TRDMT1: variants seen among roughly 807,000 people sequenced by gnomAD.
TRDMT1 encodes tRNA (cytosine(38)-C(5))-methyltransferase.
A neutral mutation model predicts 51.2 loss-of-function variants in TRDMT1; 49 were observed. The observed-to-expected ratio is 0.96, with a 90% confidence interval of 0.76 to 1.21. The LOEUF is 1.21. Ranked by LOEUF, TRDMT1 falls within the 50% of genes most tolerant of loss-of-function variation. The pLI is 0.00. For missense variants in TRDMT1, 534 were observed against 462.3 expected (o/e 1.16, Z -1.42); for synonymous variants, 187 against 164.6 (o/e 1.14, Z -1.04).
At chr10:17,153,337 A>T in intron 10 of TRDMT1, 170 bp downstream of exon 10, 1 of 715,072 alleles carries the variant, frequency 1.4e-6, no homozygotes, top group Non-Finnish European at 2.3e-6. Flanking sequence ...GAACCGAATG[A>T]GGCAGTTATG....
rs537758874 is a variant in TRDMT1 at position 17,141,408 on chromosome 10, C to G, written c.*7632G>C. ...ATCTCCTGACCTTATGATCTGCCCC[C>G]CTTCGCCTCCTAAAGTGCTGGGATT... On this transcript the variant is annotated 3_prime_UTR_variant, in exon 11 of 11. Coordinates refer to ENST00000377799, the MANE Select transcript of TRDMT1 (RefSeq NM_004412.7). 3.3e-5 allele frequency among the ~76,000 whole-genome samples: 5 copies of G among 152,146 alleles called. No homozygotes were observed. Among genetic ancestry groups the G allele is most frequent in the African/African-American group, 1.2e-4 (5 of 41,416 alleles).
intron 1 of TRDMT1, among the ~76,000 whole-genome samples, chr10:17,184,129 A>G (rs1843614263): frequency 6.6e-6 from 1 of 152,238 alleles, no homozygotes; most frequent in Admixed American, 6.5e-5. Context: ...TAAACTACTT[A>G]AAAAGTCAAG....
intron 1 of TRDMT1, among the ~76,000 whole-genome samples, chr10:17,199,321 G>C (rs1436496930): frequency 2.0e-5 from 3 of 152,138 alleles, no homozygotes; most frequent in Non-Finnish European, 4.4e-5. Flanking sequence ...TTGGATCACA[G>C]GGTCAGCCAG....
intron 1 of TRDMT1, among the ~76,000 whole-genome samples, chr10:17,188,387 T>C (rs1374275977): frequency 1.3e-5 from 2 of 152,198 alleles, no homozygotes; most frequent in East Asian, 3.8e-4. Flanking sequence ...CAAAATATTT[T>C]CAGCAAGTAT....
At chr10:17,161,822 G>A (rs1427031269) in intron 4 of TRDMT1, among the ~76,000 whole-genome samples, 1 of 152,152 alleles carries the variant, frequency 6.6e-6, no homozygotes, top group African/African-American at 2.4e-5. Context: ...TGAAAGGGCG[G>A]CTACTCACAT....
At chr10:17,182,525 T>C (rs1435449687) in intron 1 of TRDMT1, among the ~76,000 whole-genome samples, 1 of 152,228 alleles carries the variant, frequency 6.6e-6, no homozygotes, top group African/African-American at 2.4e-5. Flanking sequence ...AAAAGTCCTG[T>C]AAATAAGTAA....
rs768739458 is a variant in TRDMT1 at position 17,174,706 on chromosome 10, C to T, written c.65-46G>A. 11 of 1,380,432 alleles carry T rather than the reference C, an allele frequency of 8.0e-6. No individual in the cohort carries two copies. The Admixed American group carries it at 2.0e-4, about 25-fold the overall frequency. The allele number at this position is 1,380,432 out of a possible 1,614,324, so 85.5% of individuals were successfully genotyped here. A position where few individuals can be genotyped will look rare whatever the true frequency, so the allele number is the denominator to read the frequency against. On this transcript the variant is annotated intron_variant, in intron 1 of 10. Coordinates refer to ENST00000377799, the MANE Select transcript of TRDMT1 (RefSeq NM_004412.7). ...TCTTGAAAAGAAAAGTCCTTAAGTT[C>T]ATTATAGAAAGAAATCAAAATAGCA...
intron 1 of TRDMT1, among the ~76,000 whole-genome samples, chr10:17,177,713 AACACACACACACACACACAC>A (rs372220525): frequency 1.1e-3 from 164 of 147,148 alleles, no homozygotes; most frequent in African/African-American, 3.9e-3. Context: ...ATAGACAAGA[AACACACACACACACACACAC>A]ACACACACAC....
intron 1 of TRDMT1, among the ~76,000 whole-genome samples, chr10:17,181,878 C>A (rs1208512669): frequency 2.6e-5 from 4 of 152,104 alleles, no homozygotes; most frequent in Non-Finnish European, 5.9e-5. Context: ...AGCATCTGGC[C>A]CCTCCTTTTC....
At chr10:17,195,349 A>T (rs1845263838) in intron 1 of TRDMT1, among the ~76,000 whole-genome samples, 1 of 152,238 alleles carries the variant, frequency 6.6e-6, no homozygotes, top group Non-Finnish European at 1.5e-5. Context: ...GAATTAACAC[A>T]GAAACAGAAA....
intron 3 of TRDMT1, among the ~76,000 whole-genome samples, chr10:17,165,296 C>G (rs1841027396): frequency 6.6e-6 from 1 of 152,168 alleles, no homozygotes; most frequent in Non-Finnish European, 1.5e-5. Flanking sequence ...ATAAATGGTG[C>G]TGGCAAAACT....
intron 7 of TRDMT1, among the ~76,000 whole-genome samples, chr10:17,158,234 C>T (rs768207733): frequency 3.3e-5 from 5 of 151,898 alleles, no homozygotes; most frequent in African/African-American, 9.7e-5. Context: ...AAAAGAAAAG[C>T]GGTTTTCACT....
intron 1 of TRDMT1, among the ~76,000 whole-genome samples, chr10:17,187,393 G>A (rs1279645040): frequency 2.0e-5 from 3 of 152,062 alleles, no homozygotes; most frequent in Non-Finnish European, 4.4e-5. Context: ...TCACAGAGAC[G>A]TTACTGAATA....
chr10:17,144,995 A>G lies in TRDMT1; in HGVS notation c.*4045T>C. On this transcript the variant is annotated 3_prime_UTR_variant, in exon 11 of 11. Coordinates refer to ENST00000377799, the MANE Select transcript of TRDMT1 (RefSeq NM_004412.7). ...GGGCGTGGTGGCTCATGCCTGTAAA[A>G]CCCAGCACTTAGGGAAGCCAAGGTG... 1 of 984,918 alleles carries G rather than the reference A, an allele frequency of 1.0e-6. No individual in the cohort carries two copies. The highest frequency in any genetic ancestry group is 1.2e-6 in the Non-Finnish European group (1 of 829,534). The allele number at this position is 984,918 out of a possible 1,614,324, so 61.0% of individuals were successfully genotyped here.
intron 9 of TRDMT1, among the ~76,000 whole-genome samples, chr10:17,154,471 T>C (rs541128180): frequency 2.0e-5 from 3 of 152,098 alleles, no homozygotes; most frequent in South Asian, 2.1e-4. Flanking sequence ...ACATAAAACA[T>C]TCCTTGTGCA....
chr10:17,172,888 T>C (rs1842203719), intron 2 of TRDMT1, among the ~76,000 whole-genome samples: 1 of 152,092 alleles, frequency 6.6e-6, no homozygotes, highest in Non-Finnish European at 1.5e-5. Flanking sequence ...AATTTAAACA[T>C]AAAGTGGTAT....
intron 10 of TRDMT1, 35 bp from the exon 11 acceptor site, chr10:17,149,175 T>G (rs762091315): frequency 2.6e-6 from 4 of 1,525,194 alleles, no homozygotes; most frequent in Non-Finnish European, 3.6e-6. Context: ...AGAAATCATT[T>G]GTAATCACAA....
intron 3 of TRDMT1, among the ~76,000 whole-genome samples, chr10:17,162,685 A>G (rs1840568766): frequency 6.6e-6 from 1 of 152,202 alleles, no homozygotes; most frequent in South Asian, 2.1e-4. Flanking sequence ...TCTATTAAAA[A>G]TGCAAAAATC....
intron 3 of TRDMT1, among the ~76,000 whole-genome samples, chr10:17,165,466 C>CT (rs1841058001): frequency 6.6e-6 from 1 of 152,158 alleles, no homozygotes. Flanking sequence ...TGGGCAAGGA[C>CT]TTTATGTCTA....
Sources: allele counts gnomAD v4.1 joint callset (sites outside exome capture counted in the v4.1 genomes callset), GRCh38; gene constraint gnomAD v4.1.1; transcripts MANE v1.5; gene names NCBI Gene and HGNC (gene_info 2026-07-23, HGNC 2026-07-21).